BEGAIN: variants seen among roughly 807,000 people sequenced by gnomAD.
BEGAIN encodes the protein brain-enriched guanylate kinase-associated protein.
Under a neutral mutation model 35.8 loss-of-function variants are expected in BEGAIN, and 19 were observed. The observed-to-expected ratio is 0.53, with a 90% CI of 0.37 to 0.78. The LOEUF (loss-of-function observed/expected upper bound fraction) is 0.78, where lower values mean the gene tolerates loss of function less well. Ranked by LOEUF, BEGAIN falls within the 30% of genes least tolerant of loss-of-function variation. The pLI is 0.00. For synonymous variants in BEGAIN, 462 were observed against 388.6 expected (o/e 1.19, Z -2.22); for missense variants, 795 against 853.6 (o/e 0.93, Z 0.85).
Position 100,556,449 on chromosome 14 carries a change from G to A in BEGAIN, c.72-9787C>T, listed in dbSNP as rs371975053. On this transcript the variant is annotated intron_variant, in intron 2 of 6. Transcript: ENST00000554140. Reference sequence around the variant, plus strand: ...CGCGTGCCCAGGGCCAGGGCAAAGCGGGCCAACCCAGGCAGGGAGATGGGA... The same window carrying A: ...CGCGTGCCCAGGGCCAGGGCAAAGCAGGCCAACCCAGGCAGGGAGATGGGA... 1.4e-3 allele frequency among the ~76,000 whole-genome samples: 215 copies of A among 152,266 alleles called. 1 individual carries two copies. Among genetic ancestry groups the A allele is most frequent in the African/African-American group, 5.0e-3 (206 of 41,558 alleles).
At chr14:100,542,540 C>T (rs866116342) in intron 5 of BEGAIN, among the ~76,000 whole-genome samples, 5 of 152,258 alleles carry the variant, frequency 3.3e-5, no homozygotes, top group Admixed American at 6.5e-5. Flanking sequence ...ATCTCCCACC[C>T]AGCTCCTGTC....
intron 1 of BEGAIN, among the ~76,000 whole-genome samples, chr14:100,581,998 G>A (rs1223944154): frequency 6.6e-6 from 1 of 152,254 alleles, no homozygotes; most frequent in East Asian, 1.9e-4. Context: ...CTTCACGGAG[G>A]AGGAAACTGG....
rs1419594219 is a variant in BEGAIN, at chr14:100,546,619, A to G, written c.115T>C (p.Tyr39His). 29 of 1,584,446 alleles carry G rather than the reference A, an allele frequency of 1.8e-5. No homozygotes were observed. Among genetic ancestry groups the G allele is most frequent in the Non-Finnish European group, 2.4e-5 (28 of 1,169,070 alleles). ...QKGELRKRLS[Y>H]TTHKLEKLET... The stretch of plus-strand genomic sequence containing the variant: ...AGCTTCTCGAGCTTGTGTGTGGTGT[A>G]GGACAGCCGCTTGCGCAGCTCGCCC... Residue 39 changes from tyrosine to histidine, a missense_variant, in exon 3 of 7, where the codon TAC becomes CAC. By Grantham distance (83) the Tyr-to-His change is moderately conservative. This residue lies in a region of BEGAIN where 58 missense variants were observed against 62.7 expected (regional missense o/e 0.92). Transcript: ENST00000554140.
chr14:100,548,500 C>G (rs934940795), intron 2 of BEGAIN: 3 of 152,558 alleles, frequency 2.0e-5, no homozygotes, highest in Non-Finnish European at 2.9e-5. Flanking sequence ...CCCGAGTCCT[C>G]ACCCCTTCTC....
chr14:100,538,140 G>C lies in BEGAIN; in HGVS notation c.1668C>G (p.Pro556=), dbSNP rs376584867. The C allele has an allele frequency of 1.1e-4, 167 of 1,535,162 alleles. No homozygotes were observed. The African/African-American group carries it at 1.9e-3, about 17-fold the overall frequency. ...CCAAGGAGTCCCTGGAACCCTGCTCGGGCTCAGGGCTGCTGGCGGTCCCAC... is the reference window on the plus strand; with the variant it reads ...CCAAGGAGTCCCTGGAACCCTGCTCCGGCTCAGGGCTGCTGGCGGTCCCAC... The part of the protein sequence containing the change: ...QLCGTASSPE[P]EQGSRDSLEP... The change falls in exon 7 of 7, where the codon CCC becomes CCG. Residue 556 remains proline, a synonymous_variant. Transcript: ENST00000554140.
chr14:100,574,788 T>C (rs895938271), intron 1 of BEGAIN, among the ~76,000 whole-genome samples: 4 of 152,114 alleles, frequency 2.6e-5, no homozygotes, highest in Non-Finnish European at 5.9e-5. Context: ...GAGTGACTTA[T>C]TCAAGGTCAC....
rs565058063 is a variant in BEGAIN at position 100,537,341 on chromosome 14, C to G, written c.*628G>C. ...GCACCGGCCGCACTGGGGCATCATC[C>G]CGGCCCACCCGGGACGATGGGCCGT... On this transcript the variant is annotated 3_prime_UTR_variant, in exon 7 of 7. Coordinates refer to ENST00000554140, the MANE Select transcript of BEGAIN (RefSeq NM_001385089.1). The G allele has an allele frequency of 2.0e-5, 3 of 152,622 alleles. No homozygotes were observed. Among genetic ancestry groups the G allele is most frequent in the Admixed American group, 1.3e-4 (2 of 15,294 alleles). 9.5% of individuals were successfully genotyped at this position (152,622 alleles called of 1,614,324 possible). A position where few individuals can be genotyped will look rare whatever the true frequency, so the allele number is the denominator to read the frequency against.
intron 1 of BEGAIN, among the ~76,000 whole-genome samples, chr14:100,578,526 G>A (rs1029506357): frequency 3.3e-5 from 5 of 152,222 alleles, no homozygotes; most frequent in Non-Finnish European, 4.4e-5. Flanking sequence ...CAGGGTAGTC[G>A]GCTAAAAGAC....
In BEGAIN at chr14:100,538,972, TG is replaced by T. The variant is rs1356435499; in HGVS notation, c.835del (p.Gln279ArgfsTer59). On this transcript the variant is annotated frameshift_variant, in exon 7 of 7. Coordinates refer to ENST00000554140, the MANE Select transcript of BEGAIN (RefSeq NM_001385089.1). LOFTEE classifies it high-confidence loss of function. ...CTCGGCCGCGCTGTCAGTGGAGTTC[TG>T]GGCCCGCAGGAAGCCCACGTCGGTC... The part of the protein sequence containing the change: ...PVTDVGFLRA[Q>X]NSTDSAAEEE... 2 of 1,610,174 alleles carry T rather than the reference TG, an allele frequency of 1.2e-6. No homozygotes were observed. The highest frequency in any genetic ancestry group is 1.7e-6 in the Non-Finnish European group (2 of 1,178,646).
intron 2 of BEGAIN, among the ~76,000 whole-genome samples, chr14:100,555,204 G>A (rs912340957): frequency 6.6e-6 from 1 of 152,258 alleles, no homozygotes; most frequent in African/African-American, 2.4e-5. Flanking sequence ...GGCCGTCTGG[G>A]GTCTCCCTGC....
intron 4 of BEGAIN, 34 bp downstream of exon 4, chr14:100,544,966 G>A: frequency 6.2e-7 from 1 of 1,601,114 alleles, no homozygotes; most frequent in Non-Finnish European, 8.5e-7. Context: ...AGGAGGTGTG[G>A]GGTGGGGGAG....
chr14:100,541,252 G>A (rs1265677930), intron 5 of BEGAIN, among the ~76,000 whole-genome samples: 1 of 152,248 alleles, frequency 6.6e-6, no homozygotes, highest in Non-Finnish European at 1.5e-5. Context: ...TTTGGGGCTT[G>A]CATTCCCGCC....
rs1019126265 is a variant in BEGAIN, at chr14:100,546,744, G to T, written c.72-82C>A. The T allele has an allele frequency of 1.9e-5, 26 of 1,353,736 alleles. No individual in the cohort carries two copies. In the Middle Eastern group the frequency reaches 9.5e-4, roughly 49 times the overall value. The allele number at this position is 1,353,736 out of a possible 1,614,324, so 83.9% of individuals were successfully genotyped here. A position where few individuals can be genotyped will look rare whatever the true frequency, so the allele number is the denominator to read the frequency against. On this transcript the variant is annotated intron_variant, in intron 2 of 6. Coordinates refer to ENST00000554140, the MANE Select transcript of BEGAIN (RefSeq NM_001385089.1). ...GCCCGCAGGCCAGCCGGGGCGTGCC[G>T]CACTAACACGCGAGTACCGGCGCGC...
chr14:100,578,494 G>C (rs1178705709), intron 1 of BEGAIN, among the ~76,000 whole-genome samples: 1 of 152,248 alleles, frequency 6.6e-6, no homozygotes, highest in African/African-American at 2.4e-5. Context: ...TTATTACAGA[G>C]CCTTCATTTT....
chr14:100,559,950 G>T (rs1321371510), intron 2 of BEGAIN, among the ~76,000 whole-genome samples: 2 of 152,236 alleles, frequency 1.3e-5, no homozygotes, highest in Admixed American at 6.5e-5. Context: ...GGTGGCATCT[G>T]CCCTCCCTCC....
intron 1 of BEGAIN, among the ~76,000 whole-genome samples, chr14:100,582,122 A>C (rs2035330678): frequency 6.6e-6 from 1 of 152,052 alleles, no homozygotes; most frequent in African/African-American, 2.4e-5. Flanking sequence ...CCAGCACAGA[A>C]GTTTATTTTT....
chr14:100,563,233 T>G lies in BEGAIN; in HGVS notation c.71+4678A>C, dbSNP rs2034426331. 6.6e-6 allele frequency among the ~76,000 whole-genome samples: 1 copy of G among 152,212 alleles called. No homozygotes were observed. The highest frequency in any genetic ancestry group is 6.5e-5 in the Admixed American group (1 of 15,278). On this transcript the variant is annotated intron_variant, in intron 2 of 6. Coordinates refer to ENST00000554140, the MANE Select transcript of BEGAIN (RefSeq NM_001385089.1). This position sits in a 1 kb window ranked among gnomAD's most constrained non-coding sequence, Gnocchi z 4.2. The stretch of plus-strand genomic sequence containing the variant: ...TGGCCCGAACACCTGGGTGTCCTTG[T>G]GCAAAACCAAAACCAGAACCAAAAA...
At chr14:100,552,806 C>G (rs2033333328) in intron 2 of BEGAIN, among the ~76,000 whole-genome samples, 1 of 152,244 alleles carries the variant, frequency 6.6e-6, no homozygotes, top group Non-Finnish European at 1.5e-5. Flanking sequence ...GTGCATGGAA[C>G]CACGTTCCTG....
rs2035129768 is a variant in BEGAIN, at chr14:100,573,296, C to T, written c.43-5357G>A. Reference sequence around the variant, plus strand: ...TCCGGAGGACGGGGCGGGTGAGTCCCGAAGGGGCCGCCAGAGGAGGGGCGG... The same window carrying T: ...TCCGGAGGACGGGGCGGGTGAGTCCTGAAGGGGCCGCCAGAGGAGGGGCGG... On this transcript the variant is annotated intron_variant, in intron 1 of 6. Transcript: ENST00000554140. This position sits in a 1 kb window ranked among gnomAD's most constrained non-coding sequence, Gnocchi z 4.2. 7.1e-6 allele frequency among the ~76,000 whole-genome samples: 1 copy of T among 140,386 alleles called. No homozygotes were observed. The highest frequency in any genetic ancestry group is 2.8e-5 in the African/African-American group (1 of 35,952). The allele number at this position is 140,386 out of a possible 152,430, so 92.1% of individuals were successfully genotyped here.
Sources: gnomAD v4.1 joint callset for allele counts (sites outside exome capture counted in the v4.1 genomes callset) on GRCh38, gnomAD v4.1.1 for gene constraint, gnomAD v4.1.1 regional missense constraint, Gnocchi (gnomAD v3.1) non-coding constraint, MANE v1.5 for transcripts, NCBI Gene and HGNC (gene_info 2026-07-23, HGNC 2026-07-21) for gene names.